Variants in TP63 observed in about 807,000 individuals in gnomAD.
TP63 encodes the protein tumor protein 63.
In TP63, 17 loss-of-function variants were observed where a neutral mutation model predicts 82.8. That is an observed-to-expected ratio of 0.21 (90% CI 0.14 to 0.31). The LOEUF (loss-of-function observed/expected upper bound fraction) is 0.31, where lower values mean the gene tolerates loss of function less well. Among genes scored for constraint, TP63 ranks in the 10% least tolerant of loss-of-function variants. The pLI, the probability that TP63 is intolerant of heterozygous loss-of-function variation, is 1.00. For synonymous variants in TP63, 330 were observed against 321.7 expected (o/e 1.03, Z -0.28); for missense variants, 648 against 895.3 (o/e 0.72, Z 3.52).
chr3:189,622,489 A>G, the TP63 span, among the ~76,000 whole-genome samples: 4 of 152,188 alleles, frequency 2.6e-5, no homozygotes, highest in African/African-American at 9.7e-5. Context: ...TAACTTGGCT[A>G]TTTCCTAGGG....
intron 4 of TP63, among the ~76,000 whole-genome samples, chr3:189,840,137 A>G (rs1713766586): frequency 6.6e-6 from 1 of 152,128 alleles, no homozygotes; most frequent in Non-Finnish European, 1.5e-5. Flanking sequence ...TATTTTTTAC[A>G]TCTGTCATAT....
At chr3:189,842,062 C>T (rs533699920) in intron 4 of TP63, among the ~76,000 whole-genome samples, 87 of 152,248 alleles carry the variant, frequency 5.7e-4, no homozygotes, top group Admixed American at 1.5e-3. Context: ...TAGTAGCCCG[C>T]GGTTTTGCAG....
chr3:189,825,823 T>C (rs1284856902), intron 4 of TP63, among the ~76,000 whole-genome samples: 4 of 152,244 alleles, frequency 2.6e-5, no homozygotes, highest in African/African-American at 9.6e-5. Context: ...GGTAGTCATG[T>C]ACTTCTCAAC....
At position 189,702,404 on chromosome 3, in the gene TP63, G is replaced by A. The variant is rs115598870; in HGVS notation, c.63-35336G>A. ...ATTAGGGAGCTTTTTCCTTGCTGTCGTAGATTATCTCACCATTGTTTCTTG... is the reference window on the plus strand; with the variant it reads ...ATTAGGGAGCTTTTTCCTTGCTGTCATAGATTATCTCACCATTGTTTCTTG... On this transcript the variant is annotated intron_variant, in intron 1 of 13. Transcript: ENST00000264731. Among the ~76,000 whole-genome samples the A allele has an allele frequency of 8.5e-5, 13 of 152,234 alleles. 1 individual carries two copies. The East Asian group carries it at 2.1e-3, about 25-fold the overall frequency.
chr3:189,602,499 C>A, the TP63 span, among the ~76,000 whole-genome samples: 1 of 152,092 alleles, frequency 6.6e-6, no homozygotes, highest in Admixed American at 6.5e-5. Flanking sequence ...TCCCTTAGAT[C>A]TTTTTTACAG....
Position 189,848,239 on chromosome 3 carries a change from T to TTCTCTCTCTCTCTCTCTCTCTCTC in TP63, c.580-15985_580-15962dup, listed in dbSNP as rs59468983. ...CTCTGCCTCCTCCTCCTCCTCCTCCTTCTCTCTCTCTCTCTCTCTCTCTCT... is the reference window on the plus strand; with the variant it reads ...CTCTGCCTCCTCCTCCTCCTCCTCCTTCTCTCTCTCTCTCTCTCTCTCTCTCTCTCTCTCTCTCTCTCTCTCTCT... On this transcript the variant is annotated intron_variant, in intron 4 of 13. Transcript: ENST00000264731. Among the ~76,000 whole-genome samples, 806 of 95,946 alleles carry TTCTCTCTCTCTCTCTCTCTCTCTC rather than the reference T, an allele frequency of 8.4e-3. 82 individuals carry two copies. Among genetic ancestry groups the TTCTCTCTCTCTCTCTCTCTCTCTC allele is most frequent in the African/African-American group, 1.0e-2 (234 of 23,468 alleles). 62.9% of individuals were successfully genotyped at this position (95,946 alleles called of 152,430 possible).
chr3:189,697,493 T>A (rs747129552), intron 1 of TP63, among the ~76,000 whole-genome samples: 1 of 151,996 alleles, frequency 6.6e-6, no homozygotes, highest in Non-Finnish European at 1.5e-5. Context: ...ATCCTCCAAT[T>A]TTTTTCTTTT....
At chr3:189,762,149 G>C (rs947811636) in intron 3 of TP63, among the ~76,000 whole-genome samples, 1 of 152,190 alleles carries the variant, frequency 6.6e-6, no homozygotes, top group African/African-American at 2.4e-5. Flanking sequence ...GGATTGGGAG[G>C]ACCTGGAAGA....
upstream of TP63, chr3:189,631,333 C>T: frequency 7.0e-7 from 1 of 1,424,242 alleles, no homozygotes; most frequent in Non-Finnish European, 9.2e-7. Flanking sequence ...TGGCTAAAAT[C>T]AAGAAACGCT....
chr3:189,765,433 C>CTTTTTTTGTTTTTTTTTTTT (rs1722873151), intron 3 of TP63, among the ~76,000 whole-genome samples: 1 of 30,088 alleles, frequency 3.3e-5, no homozygotes, highest in South Asian at 2.2e-3. Context: ...CTGTCCTCTG[C>CTTTTTTTGTTTTTTTTTTTT]TTTTTTTTTT....
At chr3:189,629,474 T>G (rs1560070143), upstream of TP63, among the ~76,000 whole-genome samples, 1 of 152,180 alleles carries the variant, frequency 6.6e-6, no homozygotes, top group Non-Finnish European at 1.5e-5. Flanking sequence ...GCAAATTGAT[T>G]ATTTGGGAGT....
chr3:189,743,749 A>C (rs1440943545), intron 3 of TP63, among the ~76,000 whole-genome samples: 1 of 152,190 alleles, frequency 6.6e-6, no homozygotes, highest in Non-Finnish European at 1.5e-5. Context: ...AATTCAACAG[A>C]GAAGTGACAG....
At chr3:189,694,204 C>T (rs1717164946) in intron 1 of TP63, among the ~76,000 whole-genome samples, 1 of 152,164 alleles carries the variant, frequency 6.6e-6, no homozygotes, top group African/African-American at 2.4e-5. Context: ...ATACAATTTA[C>T]AGAAAATTTG....
At chr3:189,674,371 A>C (rs923875421) in intron 1 of TP63, among the ~76,000 whole-genome samples, 2 of 152,048 alleles carry the variant, frequency 1.3e-5, no homozygotes, top group Non-Finnish European at 2.9e-5. Context: ...TGGTTCCCTC[A>C]AAAACAGAAA....
rs770841605 is a variant in TP63, at chr3:189,889,483, A to G, written c.1651A>G (p.Ser551Gly). ...GTATCCCACAGATTGCAGCATTGTC[A>G]GGTGAGTCCACAGCATGTGCCCCTG... ...PPYPTDCSIVSFLARLGCSSC... is the reference protein window; with the variant it reads ...PPYPTDCSIVGFLARLGCSSC... Residue 551 changes from serine (S) to glycine (G), a missense_variant and splice_region_variant, in exon 12 of 14, where the codon AGT becomes GGT. By Grantham distance (56) the Ser-to-Gly change is moderately conservative. Transcript: ENST00000264731. 1 of 1,614,144 alleles carries G rather than the reference A, an allele frequency of 6.2e-7. No homozygotes were observed. The highest frequency in any genetic ancestry group is 1.1e-5 in the South Asian group (1 of 91,082).
chr3:189,621,388 AAAG>A, the TP63 span, among the ~76,000 whole-genome samples: 2,162 of 152,198 alleles, frequency 0.014, 18 homozygotes, highest in Non-Finnish European at 0.023. Flanking sequence ...ATTAGTAAGA[AAAG>A]AAGAAAATTA....
chr3:189,605,866 G>A, the TP63 span, among the ~76,000 whole-genome samples: 2 of 152,154 alleles, frequency 1.3e-5, no homozygotes, highest in East Asian at 1.9e-4. Context: ...TACACTGAGT[G>A]TGTTTATTTA....
At position 189,728,879 on chromosome 3, in the gene TP63, G is replaced by A. The variant is rs117739086; in HGVS notation, c.63-8861G>A. On this transcript the variant is annotated intron_variant, in intron 1 of 13. Coordinates refer to ENST00000264731, the MANE Select transcript of TP63 (RefSeq NM_003722.5). ...CCTCCTGGTCCTGCCCTTGACACAT[G>A]GGGATTATTACAATTCAAGGTGAGA... 1.1e-4 allele frequency among the ~76,000 whole-genome samples: 17 copies of A among 152,268 alleles called. No homozygotes were observed. The East Asian group carries it at 2.9e-3, about 26-fold the overall frequency.
At chr3:189,876,663 G>A (rs1719263476) in intron 10 of TP63, among the ~76,000 whole-genome samples, 1 of 152,134 alleles carries the variant, frequency 6.6e-6, no homozygotes, top group African/African-American at 2.4e-5. Flanking sequence ...TTATGTCTTT[G>A]TAACATTATA....
Sources: gnomAD v4.1 joint callset for allele counts (sites outside exome capture counted in the v4.1 genomes callset) on GRCh38, gnomAD v4.1.1 for gene constraint, MANE v1.5 for transcripts, NCBI Gene and HGNC (gene_info 2026-07-23, HGNC 2026-07-21) for gene names.